KIAA0825: variants seen among roughly 807,000 people sequenced by gnomAD.
KIAA0825 encodes uncharacterized protein KIAA0825.
A neutral mutation model predicts 147.6 loss-of-function variants in KIAA0825; 119 were observed. The ratio of observed to expected loss-of-function variants is 0.81; its 90% CI spans 0.69 to 0.94. The LOEUF (loss-of-function observed/expected upper bound fraction) is 0.94. KIAA0825 is among the 40% of genes least tolerant of loss of function. The pLI is 0.00. For synonymous variants in KIAA0825, 470 were observed against 518.1 expected (o/e 0.91, Z 1.26); for missense variants, 1,381 against 1,472.7 (o/e 0.94, Z 1.02).
At chr5:94,378,717 C>T (rs906903068) in intron 20 of KIAA0825, among the ~76,000 whole-genome samples, 1 of 152,182 alleles carries the variant, frequency 6.6e-6, no homozygotes, top group African/African-American at 2.4e-5. Context: ...ATTTACATGC[C>T]CACCAGCAGT....
Position 94,439,999 on chromosome 5 carries a change from A to G in KIAA0825, c.2480T>C (p.Ile827Thr). Residue 827 changes from isoleucine to threonine, a missense_variant, in exon 14 of 21, where the codon ATC becomes ACC. Coordinates refer to ENST00000682413, the MANE Select transcript of KIAA0825 (RefSeq NM_001145678.3). ...LLHHDGLLLRILLKSSKQVSD... is the reference protein window; with the variant it reads ...LLHHDGLLLRTLLKSSKQVSD... The stretch of plus-strand genomic sequence containing the variant: ...ATACTCACTTGAGCTCTTCAGCAAG[A>G]TTCTCAGTAAAAGTCCATCATGATG... 6.4e-7 allele frequency: 1 copy of G among 1,551,688 alleles called. No individual in the cohort carries two copies. Among genetic ancestry groups the G allele is most frequent in the Non-Finnish European group, 8.7e-7 (1 of 1,146,800 alleles).
At chr5:94,602,831 CTTTTT>C (rs200612253) in intron 1 of KIAA0825, among the ~76,000 whole-genome samples, 1 of 141,288 alleles carries the variant, frequency 7.1e-6, no homozygotes. Flanking sequence ...TCGGGTATGC[CTTTTT>C]TTTTTTTTTT....
chr5:94,502,610 A>G (rs1440818735), intron 5 of KIAA0825, among the ~76,000 whole-genome samples: 1 of 152,186 alleles, frequency 6.6e-6, no homozygotes, highest in Non-Finnish European at 1.5e-5. Context: ...GAATGCTGAC[A>G]TTTCCCTTCA....
chr5:94,466,536 T>C (rs1477155565), intron 10 of KIAA0825, among the ~76,000 whole-genome samples: 1 of 151,788 alleles, frequency 6.6e-6, no homozygotes, highest in Non-Finnish European at 1.5e-5. Context: ...TGGCTAACAC[T>C]AAGAAACCCC....
intron 18 of KIAA0825, 24 bp from the exon 19 acceptor site, chr5:94,386,428 T>A: frequency 6.5e-7 from 1 of 1,532,832 alleles, no homozygotes; most frequent in Non-Finnish European, 8.8e-7. Flanking sequence ...AAATTACAAG[T>A]TGTGACGGTG....
At chr5:94,455,935 T>C (rs924043181) in intron 12 of KIAA0825, among the ~76,000 whole-genome samples, 1 of 152,048 alleles carries the variant, frequency 6.6e-6, no homozygotes, top group Admixed American at 6.6e-5. Flanking sequence ...TCTCTAAAAG[T>C]GTACCAGAGT....
chr5:94,545,455 C>T lies in KIAA0825; in HGVS notation c.-1-8328G>A, dbSNP rs531669072. ...TCACAGCTGCAAAAGATACTCATTC[C>T]TTCTGCTTAAGGAGAGGAGAGTGAA... On this transcript the variant is annotated intron_variant, in intron 2 of 20. Transcript: ENST00000682413. Among the ~76,000 whole-genome samples the T allele has an allele frequency of 2.0e-5, 3 of 152,270 alleles. No homozygotes were observed. In the South Asian group the frequency reaches 6.2e-4, roughly 32 times the overall value.
chr5:94,221,699 G>C (rs775481925), intron 20 of KIAA0825, among the ~76,000 whole-genome samples: 1 of 152,134 alleles, frequency 6.6e-6, no homozygotes, highest in Non-Finnish European at 1.5e-5. Flanking sequence ...AAGATTTCAA[G>C]ATCATGGAAA....
At chr5:94,563,696 G>C (rs1778014865) in intron 2 of KIAA0825, among the ~76,000 whole-genome samples, 1 of 151,770 alleles carries the variant, frequency 6.6e-6, no homozygotes, top group Non-Finnish European at 1.5e-5. Context: ...TTTTTTTTAT[G>C]TTTTTTGAGA....
chr5:94,413,336 T>G (rs1753016588), intron 15 of KIAA0825: 1 of 152,114 alleles, frequency 6.6e-6, no homozygotes, highest in Non-Finnish European at 1.5e-5. Flanking sequence ...CCACAAAGAC[T>G]TATACACTAG....
chr5:94,331,472 T>C (rs192469026), intron 20 of KIAA0825, among the ~76,000 whole-genome samples: 83 of 152,338 alleles, frequency 5.4e-4, no homozygotes, highest in Middle Eastern at 3.4e-3. Flanking sequence ...ATGGTTTCAC[T>C]GGTAAATTAT....
intron 1 of KIAA0825, among the ~76,000 whole-genome samples, chr5:94,583,337 C>A (rs1782596609): frequency 6.6e-6 from 1 of 152,234 alleles, no homozygotes; most frequent in Non-Finnish European, 1.5e-5. Flanking sequence ...TTGCAACTGG[C>A]AGACCAGAAG....
intron 20 of KIAA0825, among the ~76,000 whole-genome samples, chr5:94,159,910 T>G (rs1330519529): frequency 2.0e-5 from 3 of 152,212 alleles, no homozygotes; most frequent in Admixed American, 2.0e-4. Flanking sequence ...TTACAATTAT[T>G]TATTAGTTAA....
intron 20 of KIAA0825, among the ~76,000 whole-genome samples, chr5:94,278,613 CTCCA>C (rs769836799): frequency 1.3e-5 from 2 of 152,094 alleles, no homozygotes; most frequent in African/African-American, 2.4e-5. Flanking sequence ...GAGTTCAGAG[CTCCA>C]TCAGTGTTTC....
chr5:94,292,991 T>C (rs1777969377), intron 20 of KIAA0825, among the ~76,000 whole-genome samples: 1 of 152,150 alleles, frequency 6.6e-6, no homozygotes, highest in South Asian at 2.1e-4. Flanking sequence ...GTCTTTTTGA[T>C]TCTTCTCTCT....
At chr5:94,181,555 C>T (rs1364644537) in intron 20 of KIAA0825, among the ~76,000 whole-genome samples, 2 of 152,092 alleles carry the variant, frequency 1.3e-5, no homozygotes, top group African/African-American at 4.8e-5. Flanking sequence ...AGTGATTGAA[C>T]CACTTTCCTT....
At chr5:94,265,506 C>T (rs186216180) in intron 20 of KIAA0825, among the ~76,000 whole-genome samples, 23 of 152,132 alleles carry the variant, frequency 1.5e-4, no homozygotes, top group Non-Finnish European at 5.9e-5. Context: ...TATATTAATA[C>T]TTAAAAAATA....
chr5:94,466,719 A>T (rs1760563684), intron 10 of KIAA0825, among the ~76,000 whole-genome samples: 2 of 142,524 alleles, frequency 1.4e-5, no homozygotes, highest in Non-Finnish European at 1.5e-5. Context: ...CCTGGGTGAC[A>T]GAGCGAGACT....
chr5:94,496,870 T>C (rs369800109), intron 5 of KIAA0825, among the ~76,000 whole-genome samples: 1 of 152,052 alleles, frequency 6.6e-6, no homozygotes, highest in Non-Finnish European at 1.5e-5. Flanking sequence ...AGCATGGTGT[T>C]TGCAAGCCGC....
Sources: gnomAD v4.1 joint callset for allele counts (sites outside exome capture counted in the v4.1 genomes callset) on GRCh38, gnomAD v4.1.1 for gene constraint, MANE v1.5 for transcripts, NCBI Gene and HGNC (gene_info 2026-07-23, HGNC 2026-07-21) for gene names.